Variants in ZNF536 observed in about 807,000 individuals in gnomAD.
ZNF536 encodes zinc finger protein 536.
A neutral mutation model predicts 84.5 loss-of-function variants in ZNF536; 13 were observed. The observed-to-expected ratio is 0.15, with a 90% CI of 0.10 to 0.24. The LOEUF (loss-of-function observed/expected upper bound fraction) is 0.24, where lower values mean the gene tolerates loss of function less well. ZNF536 is among the 10% of genes least tolerant of loss of function. The pLI is 1.00. For missense variants in ZNF536, 1,536 were observed against 1,747.5 expected (o/e 0.88, Z 2.16); for synonymous variants, 811 against 742.5 (o/e 1.09, Z -1.50).
chr19:30,583,398 A>G (rs1001534835), intron 1 of ZNF536, among the ~76,000 whole-genome samples: 7 of 152,192 alleles, frequency 4.6e-5, no homozygotes, highest in Non-Finnish European at 8.8e-5. Context: ...GCAGGGAGCA[A>G]CTGTTCTGAG....
At chr19:30,370,640 G>A (rs974625896), upstream of ZNF536, among the ~76,000 whole-genome samples, 1 of 152,110 alleles carries the variant, frequency 6.6e-6, no homozygotes, top group Non-Finnish European at 1.5e-5. Flanking sequence ...TAAAAATCAA[G>A]CTCTAAATAT....
At position 30,664,210 on chromosome 19, in the gene ZNF536, CTCTCTCTCTCT is replaced by C. The variant is rs1568650270; in HGVS notation, c.170-46546_170-46536del. Among the ~76,000 whole-genome samples the C allele has an allele frequency of 8.6e-4, 7 of 8,154 alleles. No individual in the cohort carries two copies. The East Asian group carries it at 0.013, about 16-fold the overall frequency. 5.3% of individuals were successfully genotyped at this position (8,154 alleles called of 152,430 possible). On this transcript the variant is annotated intron_variant, in intron 1 of 1. Coordinates refer to the ZNF536 transcript ENST00000592773. ...GAGGAATTCTTGCTGAGTTTTCTCT[CTCTCTCTCTCT>C]CTCTCTCTCTCTCTCTCTCTCTCTC...
chr19:30,563,908 C>G (rs2046262260), intron 1 of ZNF536, among the ~76,000 whole-genome samples: 1 of 152,130 alleles, frequency 6.6e-6, no homozygotes, highest in Non-Finnish European at 1.5e-5. Flanking sequence ...CCTGGAACCT[C>G]CAGATGGACA....
chr19:30,237,523 C>T (rs1032848011), intron 1 of ZNF536, among the ~76,000 whole-genome samples: 5 of 152,240 alleles, frequency 3.3e-5, no homozygotes, highest in South Asian at 2.1e-4. Flanking sequence ...CAAAGGTAGG[C>T]GAGTGGAATT....
intron 2 of ZNF536, among the ~76,000 whole-genome samples, chr19:30,338,489 A>ATGG (rs901296803): frequency 1.4e-5 from 2 of 147,874 alleles, no homozygotes; most frequent in African/African-American, 5.3e-5. Flanking sequence ...GATAGTGATG[A>ATGG]TGATGATGAT....
At chr19:30,599,807 A>T (rs1211308547) in intron 1 of ZNF536, among the ~76,000 whole-genome samples, 1 of 152,182 alleles carries the variant, frequency 6.6e-6, no homozygotes, top group Non-Finnish European at 1.5e-5. Flanking sequence ...GGCAACCTTG[A>T]GGCATCTTGC....
intron 1 of ZNF536, among the ~76,000 whole-genome samples, chr19:30,611,280 G>T (rs754456183): frequency 5.3e-5 from 8 of 152,122 alleles, no homozygotes; most frequent in Non-Finnish European, 1.0e-4. Context: ...TTAAGGCAGT[G>T]GCAACATATG....
At chr19:30,517,207 TCTGAGTAC>T (rs1290686118) in intron 2 of ZNF536, among the ~76,000 whole-genome samples, 1 of 152,202 alleles carries the variant, frequency 6.6e-6, no homozygotes, top group African/African-American at 2.4e-5. Flanking sequence ...TCCCTCTTCC[TCTGAGTAC>T]CTGACCCCAC....
At chr19:30,441,563 T>A (rs1011753519) in intron 1 of ZNF536, among the ~76,000 whole-genome samples, 1 of 152,128 alleles carries the variant, frequency 6.6e-6, no homozygotes, top group African/African-American at 2.4e-5. Flanking sequence ...TCTCGGTAAG[T>A]CTGTTGAATG....
intron 1 of ZNF536, among the ~76,000 whole-genome samples, chr19:30,615,580 A>G (rs534302287): frequency 6.6e-6 from 1 of 150,458 alleles, no homozygotes; most frequent in East Asian, 2.0e-4. Flanking sequence ...TCAGAATTTT[A>G]CTATCTAGTT....
intron 1 of ZNF536, among the ~76,000 whole-genome samples, chr19:30,440,483 T>G (rs1317171115): frequency 6.6e-6 from 1 of 152,216 alleles, no homozygotes; most frequent in Non-Finnish European, 1.5e-5. Flanking sequence ...CATTCATCCA[T>G]TCACTTAGGA....
intron 1 of ZNF536, among the ~76,000 whole-genome samples, chr19:30,622,399 C>G (rs2048513465): frequency 6.6e-6 from 1 of 152,232 alleles, no homozygotes; most frequent in Non-Finnish European, 1.5e-5. Context: ...GCACCAAGTG[C>G]CATCATGTCC....
chr19:30,563,735 T>A (rs1404626160), intron 1 of ZNF536, among the ~76,000 whole-genome samples: 2 of 152,194 alleles, frequency 1.3e-5, no homozygotes, highest in Non-Finnish European at 2.9e-5. Flanking sequence ...GTGATGGGAC[T>A]GGGGTTTGCC....
At chr19:30,526,302 G>A (rs1046383468) in intron 2 of ZNF536, among the ~76,000 whole-genome samples, 1 of 152,228 alleles carries the variant, frequency 6.6e-6, no homozygotes, top group East Asian at 1.9e-4. Context: ...TGGGGCCTTG[G>A]CAAGATGTGG....
chr19:30,519,874 G>A (rs965396564), intron 2 of ZNF536, among the ~76,000 whole-genome samples: 2 of 152,226 alleles, frequency 1.3e-5, no homozygotes, highest in Admixed American at 6.5e-5. Context: ...TGGCAGTTTG[G>A]TGGCAGAGAC....
intron 1 of ZNF536, among the ~76,000 whole-genome samples, chr19:30,693,328 G>T (rs973462147): frequency 6.6e-6 from 1 of 152,080 alleles, no homozygotes. Context: ...ATGCTGTGAG[G>T]TTTTTTTCCC....
At chr19:30,358,440 G>A (rs1180158015) in intron 3 of ZNF536, among the ~76,000 whole-genome samples, 2 of 152,208 alleles carry the variant, frequency 1.3e-5, no homozygotes, top group African/African-American at 4.8e-5. Context: ...CTTGTGTCTG[G>A]GTGGTGGGGT....
At chr19:30,407,530 G>A (rs920848796) in intron 1 of ZNF536, among the ~76,000 whole-genome samples, 1 of 151,958 alleles carries the variant, frequency 6.6e-6, no homozygotes, top group African/African-American at 2.4e-5. Flanking sequence ...CGCCCCAGAC[G>A]ACAGTCACAA....
intron 1 of ZNF536, among the ~76,000 whole-genome samples, chr19:30,619,746 T>G (rs1215776110): frequency 6.6e-6 from 1 of 152,238 alleles, no homozygotes; most frequent in African/African-American, 2.4e-5. Context: ...CTGCTCTTCC[T>G]TGCAGGAAAG....
Sources: gnomAD v4.1 joint callset for allele counts (sites outside exome capture counted in the v4.1 genomes callset) on GRCh38, gnomAD v4.1.1 for gene constraint, MANE v1.5 for transcripts, NCBI Gene and HGNC (gene_info 2026-07-23, HGNC 2026-07-21) for gene names.